The following DACT1 variants were observed in gnomAD, a reference collection of about 807,000 sequenced individuals.
The protein encoded by DACT1 is dapper homolog 1.
In DACT1, 19 loss-of-function variants were observed where a neutral mutation model predicts 35.3. The observed-to-expected ratio is 0.54, with a 90% CI of 0.38 to 0.79. DACT1 has a LOEUF of 0.79. Ranked by LOEUF, DACT1 falls within the 30% of genes least tolerant of loss-of-function variation. The pLI, the probability that DACT1 is intolerant of heterozygous loss-of-function variation, is 0.00. For missense variants in DACT1, 1,143 were observed against 1,057.5 expected (o/e 1.08, Z -1.12); for synonymous variants, 545 against 466.7 (o/e 1.17, Z -2.16).
In DACT1 at chr14:58,646,004, C is replaced by A. The variant is rs2047674970; in HGVS notation, c.1270C>A (p.Gln424Lys). ...HLPKTAKPAS[Q>K]EHARCSAIGT... is the part of the protein sequence containing the mutation. ...GCCAAAAACGGCCAAGCCAGCCTCGCAAGAACATGCTCGGTGTTCCGCCAT... is the reference window on the plus strand; with the variant it reads ...GCCAAAAACGGCCAAGCCAGCCTCGAAAGAACATGCTCGGTGTTCCGCCAT... The change falls in exon 4 of 4, where the codon CAA (glutamine) becomes AAA (lysine). Residue 424 changes from glutamine (Q) to lysine (K), a missense_variant. Coordinates refer to ENST00000395153, the MANE Select transcript of DACT1 (RefSeq NM_001079520.2). 6.2e-7 allele frequency: 1 copy of A among 1,614,118 alleles called. No individual in the cohort carries two copies. Among genetic ancestry groups the A allele is most frequent in the Non-Finnish European group, 8.5e-7 (1 of 1,180,034 alleles).
At position 58,641,605 on chromosome 14, in the gene DACT1, G is replaced by GAGT; in HGVS notation, c.493_495dup (p.Ser165dup). ...TTTTATTTGTAGGGTTTTATGAGCT[G>GAGT]AGTGATGGGGCTTCAGGATCCCTTT... On this transcript the variant is annotated inframe_insertion, in exon 3 of 4. Coordinates refer to ENST00000395153, the MANE Select transcript of DACT1 (RefSeq NM_001079520.2). 6.2e-7 allele frequency: 1 copy of GAGT among 1,613,976 alleles called. No homozygotes were observed.
upstream of DACT1, among the ~76,000 whole-genome samples, chr14:58,637,337 G>A (rs2047579926): frequency 6.6e-6 from 1 of 152,222 alleles, no homozygotes; most frequent in African/African-American, 2.4e-5. Context: ...TCCATCGTAA[G>A]ACCGACGTTA....
chr14:58,645,959 G>A lies in DACT1; in HGVS notation c.1225G>A (p.Asp409Asn), dbSNP rs34015825. Residue 409 changes from aspartate (D) to asparagine (N), a missense_variant, in exon 4 of 4, where the codon GAC (aspartate) becomes AAC (asparagine). Coordinates refer to ENST00000395153, the MANE Select transcript of DACT1 (RefSeq NM_001079520.2). ...GGGCTGCCCCTCAGGCGCTGCCTCC[G>A]ACCTTCAGAGTAAGCACCTGCCAAA... ...PEGCPSGAAS[D>N]LQSKHLPKTA... The A allele has an allele frequency of 0.051, 81,980 of 1,613,756 alleles. 2,328 individuals are homozygous for A. Among genetic ancestry groups the A allele is most frequent in the Middle Eastern group, 0.083 (503 of 6,060 alleles).
At chr14:58,637,620 C>G (rs925511394), upstream of DACT1, among the ~76,000 whole-genome samples, 2 of 152,232 alleles carry the variant, frequency 1.3e-5, no homozygotes. Flanking sequence ...CGGCCCCTGC[C>G]TGCGCGGCCG....
chr14:58,634,882 C>T (rs2047564117), upstream of DACT1, among the ~76,000 whole-genome samples: 1 of 152,196 alleles, frequency 6.6e-6, no homozygotes, highest in Non-Finnish European at 1.5e-5. Context: ...TCTGGCTCTG[C>T]CCAGGAAAGA....
chr14:58,639,579 CTG>C (rs148660709), intron 1 of DACT1, among the ~76,000 whole-genome samples: 12 of 151,352 alleles, frequency 7.9e-5, no homozygotes, highest in South Asian at 6.3e-4. Flanking sequence ...TTTCTTTTCT[CTG>C]TGTGTGTGTG....
intron 3 of DACT1, among the ~76,000 whole-genome samples, chr14:58,642,154 G>T (rs2047632916): frequency 6.6e-6 from 1 of 152,162 alleles, no homozygotes; most frequent in Admixed American, 6.5e-5. Context: ...ACTTTGGGAG[G>T]CTTAGGCAGC....
In DACT1 at chr14:58,638,181, T is replaced by C. The variant is rs931527862; in HGVS notation, c.-22T>C. ...TGGGCGGCCCGGCTGCGGTGACGGC[T>C]CTCGCTGCCCGACTGGGGGCCATGA... On this transcript the variant is annotated 5_prime_UTR_variant, in exon 1 of 4. Transcript: ENST00000395153. 4.4e-5 allele frequency: 57 copies of C among 1,286,568 alleles called. No homozygotes were observed. The African/African-American group carries it at 8.1e-4, about 18-fold the overall frequency. The allele number at this position is 1,286,568 out of a possible 1,614,324, so 79.7% of individuals were successfully genotyped here.
rs778846795 is a variant in DACT1 at position 58,646,493 on chromosome 14, C to T, written c.1759C>T (p.Leu587Phe). 1.7e-5 allele frequency: 26 copies of T among 1,563,048 alleles called. No individual in the cohort carries two copies. The African/African-American group carries it at 3.3e-4, about 20-fold the overall frequency. The change falls in exon 4 of 4, where the codon CTC becomes TTC. Residue 587 changes from leucine (L) to phenylalanine (F), a missense_variant. By Grantham distance (22) the Leu-to-Phe change is conservative (BLOSUM62 0). Transcript: ENST00000395153. ...AGATGACTTGGATACAAATAAGAAACTCAAGAAAGCCTCCTCCAAGGGGAG... is the reference window on the plus strand; with the variant it reads ...AGATGACTTGGATACAAATAAGAAATTCAAGAAAGCCTCCTCCAAGGGGAG... ...FPDDLDTNKK[L>F]KKASSKGRKS...
chr14:58,645,790 T>A lies in DACT1; in HGVS notation c.1056T>A (p.Ser352Arg). ...RAPGGVSQGN[S>R]VNLKNSKQAC... ...CGGGCGGTGTCTCACAGGGCAACAG[T>A]GTGAACCTTAAGAATTCGAAACAGG... Residue 352 changes from serine to arginine, a missense_variant, in exon 4 of 4, where the codon AGT becomes AGA. This residue lies in a region of DACT1 where 1,054 missense variants were observed against 958.8 expected (regional missense o/e 1.10). Coordinates refer to ENST00000395153, the MANE Select transcript of DACT1 (RefSeq NM_001079520.2). The A allele has an allele frequency of 6.2e-7, 1 of 1,614,212 alleles. No homozygotes were observed. Among genetic ancestry groups the A allele is most frequent in the South Asian group, 1.1e-5 (1 of 91,086 alleles).
At chr14:58,644,268 A>C (rs1039827666) in intron 3 of DACT1, among the ~76,000 whole-genome samples, 3 of 152,244 alleles carry the variant, frequency 2.0e-5, no homozygotes, top group African/African-American at 7.2e-5. Flanking sequence ...ATCTTTTAAA[A>C]TATTACCAAG....
intron 3 of DACT1, 120 bp from the exon 4 acceptor site, chr14:58,645,249 G>GT (rs1566509135): frequency 6.2e-7 from 1 of 1,610,352 alleles, no homozygotes; most frequent in Admixed American, 1.7e-5. Context: ...ACCTTTAACT[G>GT]TTTTTCAGAT....
chr14:58,634,089 C>G (rs1306721244), upstream of DACT1: 1 of 152,236 alleles, frequency 6.6e-6, no homozygotes, highest in Non-Finnish European at 1.5e-5. Context: ...CAGGAGGAAG[C>G]AGGAGCCTCT....
In DACT1 at chr14:58,645,763, C is replaced by G; in HGVS notation, c.1029C>G (p.Ala343=). 6.2e-7 allele frequency: 1 copy of G among 1,614,236 alleles called. No individual in the cohort carries two copies. ...LLRNGSVCVR[A]PGGVSQGNSV... ...GGAACGGGAGCGTTTGTGTCAGAGC[C>G]CCGGGCGGTGTCTCACAGGGCAACA... is the stretch of plus-strand genomic sequence containing the variant. Residue 343 remains alanine (A), a synonymous_variant, in exon 4 of 4, where the codon GCC becomes GCG. Transcript: ENST00000395153.
Position 58,647,213 on chromosome 14 carries a change from A to G in DACT1, c.*79A>G, listed in dbSNP as rs887634297. The G allele has an allele frequency of 6.7e-7, 1 of 1,490,052 alleles. No homozygotes were observed. Among genetic ancestry groups the G allele is most frequent in the Non-Finnish European group, 9.1e-7 (1 of 1,093,690 alleles). The allele number at this position is 1,490,052 out of a possible 1,614,324, so 92.3% of individuals were successfully genotyped here. On this transcript the variant is annotated 3_prime_UTR_variant, in exon 4 of 4. Transcript: ENST00000395153. ...CCAAAATTAAAAAGGTGGTGTTTTC[A>G]TTTTTGTATAATACTTTAATGGAAT... is the stretch of plus-strand genomic sequence containing the variant.
Position 58,646,188 on chromosome 14 carries a change from C to A in DACT1, c.1454C>A (p.Thr485Asn), listed in dbSNP as rs1166141425. Residue 485 changes from threonine (T) to asparagine (N), a missense_variant, in exon 4 of 4, where the codon ACT becomes AAT. By Grantham distance (65) the Thr-to-Asn change is moderately conservative. Coordinates refer to ENST00000395153, the MANE Select transcript of DACT1 (RefSeq NM_001079520.2). Reference sequence around the variant, plus strand: ...AGCCTGCAGGGCGTCCCCCCGGCCACTCCTCCCCTGCTGTCTACAGCTTTC... The same window carrying A: ...AGCCTGCAGGGCGTCCCCCCGGCCAATCCTCCCCTGCTGTCTACAGCTTTC... The part of the protein sequence containing the change: ...KNSLQGVPPA[T>N]PPLLSTAFPV... 2 of 1,613,580 alleles carry A rather than the reference C, an allele frequency of 1.2e-6. No homozygotes were observed. Among genetic ancestry groups the A allele is most frequent in the African/African-American group, 2.7e-5 (2 of 74,900 alleles).
In DACT1 at chr14:58,645,573, A is replaced by G; in HGVS notation, c.839A>G (p.Asp280Gly). 6.2e-7 allele frequency: 1 copy of G among 1,614,182 alleles called. No individual in the cohort carries two copies. The highest frequency in any genetic ancestry group is 8.5e-7 in the Non-Finnish European group (1 of 1,180,032). Residue 280 changes from aspartate to glycine, a missense_variant, in exon 4 of 4, where the codon GAC becomes GGC. Asp to Gly is a moderately conservative substitution (Grantham distance 94). This residue lies in a region of DACT1 where 1,054 missense variants were observed against 958.8 expected (regional missense o/e 1.10). Transcript: ENST00000395153. ...GGSELDAVKT[D>G]SSLPSPSSLW... ...TCTGAGCTAGATGCCGTCAAAACAG[A>G]CAGTTCCTTACCGTCCCCAAGCAGT...
At chr14:58,636,342 GTCTC>G (rs2047572375), upstream of DACT1, among the ~76,000 whole-genome samples, 1 of 152,208 alleles carries the variant, frequency 6.6e-6, no homozygotes, top group South Asian at 2.1e-4. Flanking sequence ...ACATTCTCGA[GTCTC>G]TCTCTAGCAA....
In DACT1 at chr14:58,647,051, G is replaced by A; in HGVS notation, c.2317G>A (p.Val773Ile). The change falls in exon 4 of 4, where the codon GTC (valine) becomes ATC (isoleucine). Residue 773 changes from valine (V) to isoleucine (I), a missense_variant. By Grantham distance (29) the Val-to-Ile change is conservative. Around this residue, in one of 3 missense-constraint regions of DACT1, gnomAD observed 1,054 missense variants for 958.8 expected, o/e 1.10. Transcript: ENST00000395153. ...DLHNHPAKTF[V>I]KIKASHNLKK... Reference sequence around the variant, plus strand: ...TCACAACCACCCCGCAAAAACCTTTGTCAAAATTAAGGCCTCACATAACCT... The same window carrying A: ...TCACAACCACCCCGCAAAAACCTTTATCAAAATTAAGGCCTCACATAACCT... 6.2e-7 allele frequency: 1 copy of A among 1,614,150 alleles called. No homozygotes were observed. The highest frequency in any genetic ancestry group is 8.5e-7 in the Non-Finnish European group (1 of 1,180,030).
Sources: allele counts gnomAD v4.1 joint callset (sites outside exome capture counted in the v4.1 genomes callset), GRCh38; gene constraint gnomAD v4.1.1; regional missense constraint gnomAD v4.1.1; transcripts MANE v1.5; gene names NCBI Gene and HGNC (gene_info 2026-07-23, HGNC 2026-07-21).